Variants in NCAM1 observed in about 807,000 individuals in gnomAD.
NCAM1 encodes the protein neural cell adhesion molecule 1.
In NCAM1, 14 loss-of-function variants were observed where a neutral mutation model predicts 109.8. That is an observed-to-expected ratio of 0.13 (90% CI 0.08 to 0.20). NCAM1 has a LOEUF of 0.20. Ranked by LOEUF, NCAM1 falls within the 10% of genes least tolerant of loss-of-function variation. The pLI is 1.00. For missense variants in NCAM1, 774 were observed against 1,109.9 expected (o/e 0.70, Z 4.30); for synonymous variants, 418 against 442.9 (o/e 0.94, Z 0.70).
At chr11:113,017,580 A>G (rs1212224311) in intron 1 of NCAM1, among the ~76,000 whole-genome samples, 1 of 151,578 alleles carries the variant, frequency 6.6e-6, no homozygotes, top group Non-Finnish European at 1.5e-5. Context: ...TGTCCAAAAA[A>G]TAAAACGATT....
At chr11:113,271,065 G>C (rs1192293401) in intron 18 of NCAM1, among the ~76,000 whole-genome samples, 1 of 152,140 alleles carries the variant, frequency 6.6e-6, no homozygotes, top group Non-Finnish European at 1.5e-5. Flanking sequence ...GCATATACAT[G>C]TATGTGCATG....
chr11:113,137,448 CGTT>C (rs1565457760), intron 1 of NCAM1, among the ~76,000 whole-genome samples: 3 of 152,194 alleles, frequency 2.0e-5, no homozygotes, highest in African/African-American at 4.8e-5. Context: ...TATGTACAAA[CGTT>C]GTTAATTACT....
intron 1 of NCAM1, among the ~76,000 whole-genome samples, chr11:113,183,961 A>T (rs1943411973): frequency 6.6e-6 from 1 of 152,236 alleles, no homozygotes; most frequent in Admixed American, 6.5e-5. Flanking sequence ...ATGTCTAGGG[A>T]GTATGTAAGC....
chr11:112,976,662 T>C (rs1193041756), intron 1 of NCAM1, among the ~76,000 whole-genome samples: 1 of 151,932 alleles, frequency 6.6e-6, no homozygotes, highest in African/African-American at 2.4e-5. Context: ...GTAGATATTA[T>C]TGTCTGTTTC....
At chr11:112,994,884 G>GC (rs1243381988) in intron 1 of NCAM1, among the ~76,000 whole-genome samples, 1 of 152,046 alleles carries the variant, frequency 6.6e-6, no homozygotes, top group Non-Finnish European at 1.5e-5. Context: ...CTGCTTGTGT[G>GC]CTTGTATGTT....
intron 1 of NCAM1, among the ~76,000 whole-genome samples, chr11:113,188,640 T>C (rs1555109294): frequency 3.3e-5 from 5 of 152,210 alleles, no homozygotes. Flanking sequence ...ATTTAGCTAC[T>C]GTTGAGGTTG....
chr11:113,187,252 G>A (rs1351933075), intron 1 of NCAM1, among the ~76,000 whole-genome samples: 3 of 152,144 alleles, frequency 2.0e-5, no homozygotes, highest in Non-Finnish European at 4.4e-5. Flanking sequence ...AGTCTTCCTC[G>A]TGACATTACA....
At chr11:113,105,252 A>G (rs1333236287) in intron 1 of NCAM1, among the ~76,000 whole-genome samples, 1 of 152,232 alleles carries the variant, frequency 6.6e-6, no homozygotes, top group African/African-American at 2.4e-5. Flanking sequence ...TCTGCTGTGC[A>G]GCAAGACTGG....
Position 113,190,809 on chromosome 11 carries a change from G to A in NCAM1, c.53-11570G>A, listed in dbSNP as rs145528146. On this transcript the variant is annotated intron_variant, in intron 1 of 19. Coordinates refer to ENST00000316851, the MANE Select transcript of NCAM1 (RefSeq NM_181351.5). The stretch of plus-strand genomic sequence containing the variant: ...GATCTGGTGTGACAGTGGTTGTGGG[G>A]GTGGGGAATGGACTCTCCATCCAGT... Among the ~76,000 whole-genome samples, 27 of 152,220 alleles carry A rather than the reference G, an allele frequency of 1.8e-4. 1 individual carries two copies. Among genetic ancestry groups the A allele is most frequent in the African/African-American group, 6.5e-4 (27 of 41,516 alleles).
At chr11:113,146,196 G>A (rs577724480) in intron 1 of NCAM1, among the ~76,000 whole-genome samples, 77 of 152,300 alleles carry the variant, frequency 5.1e-4, no homozygotes, top group African/African-American at 7.0e-4. Flanking sequence ...TGCTTTCAGC[G>A]TTGGGGGAAG....
intron 1 of NCAM1, among the ~76,000 whole-genome samples, chr11:113,048,066 C>G (rs1227633758): frequency 6.6e-6 from 1 of 152,084 alleles, no homozygotes; most frequent in Non-Finnish European, 1.5e-5. Context: ...GCTTCAGGTT[C>G]CATGTCTGGA....
chr11:113,223,725 T>G (rs2137120274), intron 9 of NCAM1, among the ~76,000 whole-genome samples: 1 of 152,254 alleles, frequency 6.6e-6, no homozygotes, highest in Non-Finnish European at 1.5e-5. Flanking sequence ...GAATTTTAGT[T>G]CAGTTGCTGG....
rs1565348860 is a variant in NCAM1, at chr11:112,961,519, A to G, written c.-94A>G. The stretch of plus-strand genomic sequence containing the variant: ...CTCAGCCTGGCAATTGTCTGCCCCT[A>G]GGTCTGTCGCTCAGCCGCCGTCCAC... On this transcript the variant is annotated 5_prime_UTR_variant, in exon 1 of 20. Coordinates refer to ENST00000316851, the MANE Select transcript of NCAM1 (RefSeq NM_181351.5). 8.4e-6 allele frequency: 7 copies of G among 837,308 alleles called. No individual in the cohort carries two copies. The highest frequency in any genetic ancestry group is 1.5e-5 in the Non-Finnish European group (7 of 471,116). 51.9% of individuals were successfully genotyped at this position (837,308 alleles called of 1,614,324 possible).
At chr11:113,003,317 GT>G (rs1206764705) in intron 1 of NCAM1, among the ~76,000 whole-genome samples, 1 of 152,210 alleles carries the variant, frequency 6.6e-6, no homozygotes, top group Non-Finnish European at 1.5e-5. Flanking sequence ...GCTTTTATTT[GT>G]TTTGTATGTG....
chr11:113,116,551 A>G (rs1451778526), intron 1 of NCAM1, among the ~76,000 whole-genome samples: 1 of 152,254 alleles, frequency 6.6e-6, no homozygotes, highest in East Asian at 1.9e-4. Flanking sequence ...AACTGGAATC[A>G]TTTTAGCTTT....
intron 1 of NCAM1, among the ~76,000 whole-genome samples, chr11:112,974,073 A>T (rs1555067279): frequency 6.6e-6 from 1 of 152,136 alleles, no homozygotes; most frequent in African/African-American, 2.4e-5. Flanking sequence ...TTGCTGCTAA[A>T]GATCATATTG....
At chr11:113,231,100 TA>T in intron 9 of NCAM1, 1 of 1,209,538 alleles carries the variant, frequency 8.3e-7, no homozygotes, top group Non-Finnish European at 1.2e-6. Context: ...TACATGTGAT[TA>T]TTTCACTTTT....
intron 1 of NCAM1, among the ~76,000 whole-genome samples, chr11:112,977,654 A>T (rs1555067915): frequency 6.6e-6 from 1 of 151,886 alleles, no homozygotes; most frequent in African/African-American, 2.4e-5. Flanking sequence ...AAAAATCTAA[A>T]TTGTCATTGT....
At chr11:113,050,086 T>C (rs545184814) in intron 1 of NCAM1, among the ~76,000 whole-genome samples, 2 of 143,222 alleles carry the variant, frequency 1.4e-5, no homozygotes, top group East Asian at 4.4e-4. Flanking sequence ...TCTATTCCAT[T>C]TTTTGCTCTG....
Sources: allele counts gnomAD v4.1 joint callset (sites outside exome capture counted in the v4.1 genomes callset), GRCh38; gene constraint gnomAD v4.1.1; transcripts MANE v1.5; gene names NCBI Gene and HGNC (gene_info 2026-07-23, HGNC 2026-07-21).